Variants in SLC25A13 observed in about 807,000 individuals in gnomAD.
The protein encoded by SLC25A13 is solute carrier family 25 member 13.
SLC25A13 carries 70 observed loss-of-function variants against 85.5 expected under a neutral mutation model. The ratio of observed to expected loss-of-function variants is 0.82; its 90% CI spans 0.68 to 1.00. SLC25A13 has a LOEUF of 1.00. Ranked by LOEUF, SLC25A13 falls within the 50% of genes least tolerant of loss-of-function variation. The pLI is 0.00. For missense variants in SLC25A13, 765 were observed against 819.8 expected (o/e 0.93, Z 0.82); for synonymous variants, 259 against 288.7 (o/e 0.90, Z 1.04).
At chr7:96,183,864 C>T (rs1027564202) in intron 11 of SLC25A13, among the ~76,000 whole-genome samples, 3 of 152,092 alleles carry the variant, frequency 2.0e-5, no homozygotes, top group Admixed American at 6.6e-5. Flanking sequence ...AAAGAGAGCT[C>T]TACTGAACCC....
At chr7:96,262,313 CAAAG>C (rs1797883015) in intron 3 of SLC25A13, among the ~76,000 whole-genome samples, 1 of 152,100 alleles carries the variant, frequency 6.6e-6, no homozygotes, top group Non-Finnish European at 1.5e-5. Flanking sequence ...TAACACCAAA[CAAAG>C]AAAGAGGAAA....
At position 96,315,876 on chromosome 7, in the gene SLC25A13, T is replaced by C. The variant is rs772319023; in HGVS notation, c.15+6066A>G. ...CAAACCTCTGAAGAGGGTTTTATGA[T>C]GGGTGAACAATGTGGAAGACATGGA... On this transcript the variant is annotated intron_variant, in intron 1 of 17. Transcript: ENST00000265631. 9.4e-4 allele frequency among the ~76,000 whole-genome samples: 142 copies of C among 151,730 alleles called. 1 individual carries two copies. Among genetic ancestry groups the C allele is most frequent in the Admixed American group, 3.4e-3 (52 of 15,222 alleles).
chr7:96,185,582 C>G (rs1037957837), intron 9 of SLC25A13, among the ~76,000 whole-genome samples: 1 of 145,182 alleles, frequency 6.9e-6, no homozygotes, highest in African/African-American at 2.6e-5. Context: ...GGCAACAGAG[C>G]AAGACTCTAT....
chr7:96,277,255 GC>G lies in SLC25A13; in HGVS notation c.152del (p.Ser51ThrfsTer11), dbSNP rs1396885141. On this transcript the variant is annotated frameshift_variant, in exon 3 of 18. Transcript: ENST00000265631. LOFTEE classifies it high-confidence loss of function. ...VTRYLNIFGE[S>X]QPNPKTVELL... Reference sequence around the variant, plus strand: ...GTTCCACAGTCTTTGGATTAGGCTGGCTTTCTCCAAAAATGTTCAAGTATCG... The same window carrying G: ...GTTCCACAGTCTTTGGATTAGGCTGGTTTCTCCAAAAATGTTCAAGTATCG... The G allele has an allele frequency of 1.2e-6, 2 of 1,611,464 alleles. No individual in the cohort carries two copies. The highest frequency in any genetic ancestry group is 1.7e-6 in the Non-Finnish European group (2 of 1,178,824).
Position 96,267,468 on chromosome 7 carries a change from C to T in SLC25A13, c.212+9728G>A, listed in dbSNP as rs78114901. Among the ~76,000 whole-genome samples the T allele has an allele frequency of 0.01, 1,573 of 152,190 alleles. 95 individuals carry two copies. In the East Asian group the frequency reaches 0.17, roughly 17 times the overall value. On this transcript the variant is annotated intron_variant, in intron 3 of 17. Coordinates refer to ENST00000265631, the MANE Select transcript of SLC25A13 (RefSeq NM_014251.3). ...TTCTTTGATGCCTTTATTCTTCATG[C>T]ATCAAAACAGGAACTGTCCCAGGAC...
intron 3 of SLC25A13, among the ~76,000 whole-genome samples, chr7:96,253,595 C>G (rs1797517649): frequency 6.6e-6 from 1 of 152,124 alleles, no homozygotes; most frequent in South Asian, 2.1e-4. Context: ...CCATTGTTAT[C>G]AGGACAGCAG....
chr7:96,250,110 C>T (rs1304596679), intron 3 of SLC25A13, among the ~76,000 whole-genome samples: 2 of 151,990 alleles, frequency 1.3e-5, no homozygotes, highest in African/African-American at 2.4e-5. Context: ...TTGTTTGAAC[C>T]CAGGAGGCGG....
chr7:96,219,631 C>T (rs768665717), intron 4 of SLC25A13: 1 of 527,880 alleles, frequency 1.9e-6, no homozygotes, highest in East Asian at 5.5e-5. Context: ...TTGTTTAAAA[C>T]ACATTCCCAA....
intron 7 of SLC25A13, 39 bp from the exon 8 acceptor site, chr7:96,189,713 G>A (rs769490152): frequency 6.5e-7 from 1 of 1,537,244 alleles, no homozygotes; most frequent in Admixed American, 1.7e-5. Context: ...GATTCAAGAA[G>A]AAATAGCCAC....
chr7:96,155,922 G>C (rs930824807), intron 13 of SLC25A13, among the ~76,000 whole-genome samples: 1 of 152,220 alleles, frequency 6.6e-6, no homozygotes, highest in African/African-American at 2.4e-5. Flanking sequence ...ATGTGAACGC[G>C]ACTTGCCCAA....
chr7:96,228,890 T>C (rs974185229), intron 4 of SLC25A13, among the ~76,000 whole-genome samples: 8 of 152,138 alleles, frequency 5.3e-5, no homozygotes, highest in African/African-American at 1.9e-4. Flanking sequence ...CCCCCAGCAC[T>C]CCTGGCCCAC....
intron 1 of SLC25A13, among the ~76,000 whole-genome samples, chr7:96,307,296 T>C (rs1435102352): frequency 6.6e-6 from 1 of 152,206 alleles, no homozygotes; most frequent in Non-Finnish European, 1.5e-5. Flanking sequence ...AGAATTATTA[T>C]AATTTTTTAA....
At chr7:96,248,647 C>G (rs145536680) in intron 3 of SLC25A13, among the ~76,000 whole-genome samples, 1 of 152,042 alleles carries the variant, frequency 6.6e-6, no homozygotes, top group Admixed American at 6.6e-5. Flanking sequence ...ACCTCAATCA[C>G]GAGTTCAGTC....
At chr7:96,175,683 T>C (rs953284177) in intron 11 of SLC25A13, among the ~76,000 whole-genome samples, 1 of 152,190 alleles carries the variant, frequency 6.6e-6, no homozygotes, top group African/African-American at 2.4e-5. Flanking sequence ...CACCAAATTC[T>C]GTAGATGCAT....
chr7:96,314,593 GTTTA>G (rs903375797), intron 1 of SLC25A13, among the ~76,000 whole-genome samples: 1 of 152,138 alleles, frequency 6.6e-6, no homozygotes, highest in African/African-American at 2.4e-5. Flanking sequence ...ATCTGTAGGT[GTTTA>G]TGAGGCAGCA....
rs1795327881 is a variant in SLC25A13, at chr7:96,203,211, A to C, written c.468+5627T>G. Among the ~76,000 whole-genome samples the C allele has an allele frequency of 1.3e-5, 2 of 152,142 alleles. 1 individual carries two copies. The highest frequency in any genetic ancestry group is 1.3e-4 in the Admixed American group (2 of 15,260). ...ATTCAGGGTTGCCTAGTCCAGACCA[A>C]AGTTTGCCAAAATGTGGTTCCTGAA... On this transcript the variant is annotated intron_variant, in intron 5 of 17. Coordinates refer to ENST00000265631, the MANE Select transcript of SLC25A13 (RefSeq NM_014251.3).
intron 3 of SLC25A13, among the ~76,000 whole-genome samples, chr7:96,265,525 C>T (rs113481425): frequency 0.012 from 1,796 of 152,300 alleles, 39 homozygotes; most frequent in African/African-American, 0.042. Flanking sequence ...AACCACCATA[C>T]TACATTAAAG....
rs567130517 is a variant in SLC25A13 at position 96,120,329 on chromosome 7, T to C, written c.*862A>G. On this transcript the variant is annotated 3_prime_UTR_variant, in exon 18 of 18. Coordinates refer to ENST00000265631, the MANE Select transcript of SLC25A13 (RefSeq NM_014251.3). ...GTCAGAACATATTTGTCTTACATTA[T>C]TCAAGATAAAGTGGATTTTAAAAGC... The C allele has an allele frequency of 8.1e-4, 370 of 454,114 alleles. 1 individual carries two copies. Among genetic ancestry groups the C allele is most frequent in the African/African-American group, 6.9e-3 (347 of 50,132 alleles). The allele number at this position is 454,114 out of a possible 1,614,324, so 28.1% of individuals were successfully genotyped here.
At position 96,121,835 on chromosome 7, in the gene SLC25A13, A is replaced by C. The variant is rs770496018; in HGVS notation, c.1750+4T>G. ...AGTTAGTTAAGAACACATTATTTCC[A>C]TACCACCAGCTCCCTTCCACAGAGC... On this transcript the variant is annotated splice_donor_region_variant and intron_variant, in intron 16 of 17. Coordinates refer to ENST00000265631, the MANE Select transcript of SLC25A13 (RefSeq NM_014251.3). The C allele has an allele frequency of 4.3e-6, 7 of 1,614,224 alleles. No homozygotes were observed. Among genetic ancestry groups the C allele is most frequent in the Non-Finnish European group, 5.9e-6 (7 of 1,180,046 alleles).
Sources: allele counts gnomAD v4.1 joint callset (sites outside exome capture counted in the v4.1 genomes callset), GRCh38; gene constraint gnomAD v4.1.1; transcripts MANE v1.5; gene names NCBI Gene and HGNC (gene_info 2026-07-23, HGNC 2026-07-21).